RAB3IL1: variants seen among roughly 807,000 people sequenced by gnomAD.
RAB3IL1 encodes RAB3A interacting protein like 1.
In RAB3IL1, 37 loss-of-function variants were observed where a neutral mutation model predicts 49.2. The observed-to-expected ratio is 0.75, with a 90% CI of 0.58 to 0.99. The LOEUF (loss-of-function observed/expected upper bound fraction) is 0.99, where lower values mean the gene tolerates loss of function less well. Ranked by LOEUF, RAB3IL1 falls within the 50% of genes least tolerant of loss-of-function variation. The pLI is 0.00. For synonymous variants in RAB3IL1, 193 were observed against 213.9 expected, an observed-to-expected ratio of 0.90 and a Z score of 0.85; for missense variants, 484 against 513.0, an observed-to-expected ratio of 0.94 and a Z score of 0.55.
In RAB3IL1 at chr11:61,898,219, T is replaced by C; in HGVS notation, c.*59A>G. On this transcript the variant is annotated 3_prime_UTR_variant, in exon 10 of 10. Coordinates refer to ENST00000394836, the MANE Select transcript of RAB3IL1 (RefSeq NM_013401.4). This position sits in a 1 kb window ranked among gnomAD's most constrained non-coding sequence, Gnocchi z 5.1. The stretch of plus-strand genomic sequence containing the variant: ...GGCCCCCGTCTCCCTGTGTGTCGGC[T>C]TGTTCTGGGGTGGGTGTTTGCTCTG... 1 of 1,514,976 alleles carries C rather than the reference T, an allele frequency of 6.6e-7. No homozygotes were observed. 93.8% of individuals were successfully genotyped at this position (1,514,976 alleles called of 1,614,324 possible).
intron 5 of RAB3IL1, among the ~76,000 whole-genome samples, chr11:61,905,090 G>C (rs1231259972): frequency 6.6e-6 from 1 of 152,218 alleles, no homozygotes; most frequent in African/African-American, 2.4e-5. Context: ...AGAACTAAAA[G>C]TTTTGTTTCC....
Position 61,898,421 on chromosome 11 carries a change from C to T in RAB3IL1, c.1067-61G>A. On this transcript the variant is annotated intron_variant, in intron 9 of 9. Coordinates refer to ENST00000394836, the MANE Select transcript of RAB3IL1 (RefSeq NM_013401.4). This position sits in a 1 kb window ranked among gnomAD's most constrained non-coding sequence, Gnocchi z 5.1. ...GCTCAGGGTCACCTCGGGCAGATGGCCAGGTCCCCTCCTGTGGCTTTGGAC... is the reference window on the plus strand; with the variant it reads ...GCTCAGGGTCACCTCGGGCAGATGGTCAGGTCCCCTCCTGTGGCTTTGGAC... 1.4e-6 allele frequency: 2 copies of T among 1,432,708 alleles called. No homozygotes were observed. Among genetic ancestry groups the T allele is most frequent in the Non-Finnish European group, 2.0e-6 (2 of 1,020,620 alleles). The allele number at this position is 1,432,708 out of a possible 1,614,324, so 88.7% of individuals were successfully genotyped here. A position where few individuals can be genotyped will look rare whatever the true frequency, so the allele number is the denominator to read the frequency against.
chr11:61,930,461 C>A, the RAB3IL1 span, among the ~76,000 whole-genome samples: 1 of 152,160 alleles, frequency 6.6e-6, no homozygotes, highest in Non-Finnish European at 1.5e-5. Context: ...ACACCAAAAG[C>A]AAGGTGGTAT....
the RAB3IL1 span, among the ~76,000 whole-genome samples, chr11:61,940,959 G>C: frequency 7.9e-5 from 12 of 151,648 alleles, no homozygotes; most frequent in East Asian, 1.4e-3. Flanking sequence ...ACTGTGGCAC[G>C]TGCTTGTAAT....
At chr11:61,942,405 C>T in the RAB3IL1 span, among the ~76,000 whole-genome samples, 2 of 152,072 alleles carry the variant, frequency 1.3e-5, no homozygotes, top group South Asian at 2.1e-4. Flanking sequence ...ACTATTGTCC[C>T]ATGACCCTGC....
intron 1 of RAB3IL1, among the ~76,000 whole-genome samples, chr11:61,914,042 AC>A (rs370932179): frequency 4.5e-4 from 69 of 151,838 alleles, no homozygotes; most frequent in African/African-American, 1.5e-3. Context: ...GGGTTATACA[AC>A]CCCTTCCCAA....
At chr11:61,908,633 G>A (rs1383295938) in intron 1 of RAB3IL1, among the ~76,000 whole-genome samples, 1 of 152,210 alleles carries the variant, frequency 6.6e-6, no homozygotes, top group African/African-American at 2.4e-5. Flanking sequence ...ATGCATCAGG[G>A]TTGAGTCCCA....
In RAB3IL1 at chr11:61,898,731, G is replaced by A. The variant is rs1051715355; in HGVS notation, c.1067-371C>T. On this transcript the variant is annotated intron_variant, in intron 9 of 9. Coordinates refer to ENST00000394836, the MANE Select transcript of RAB3IL1 (RefSeq NM_013401.4). The surrounding 1 kb of genome is among the most constrained non-coding windows in gnomAD (Gnocchi z 5.1). ...TCACAAGGACCCTGCGCAGTGAGGC[G>A]GGGACCACAGCGGCCATCCAGGGAC... is the stretch of plus-strand genomic sequence containing the variant. The A allele has an allele frequency of 1.0e-5, 5 of 482,030 alleles. No individual in the cohort carries two copies. The highest frequency in any genetic ancestry group is 1.6e-5 in the Non-Finnish European group (4 of 244,866). The allele number at this position is 482,030 out of a possible 1,614,324, so 29.9% of individuals were successfully genotyped here.
chr11:61,933,818 G>T, the RAB3IL1 span, among the ~76,000 whole-genome samples: 12 of 152,118 alleles, frequency 7.9e-5, no homozygotes, highest in African/African-American at 2.7e-4. Context: ...AGTGGTGTGT[G>T]CCTGCAGTCC....
intron 1 of RAB3IL1, among the ~76,000 whole-genome samples, chr11:61,915,652 C>T (rs536646075): frequency 6.6e-6 from 1 of 152,248 alleles, no homozygotes; most frequent in East Asian, 1.9e-4. Context: ...TACCACAAAC[C>T]CACCTCAAGC....
chr11:61,944,272 C>CTTCCTTCCT, the RAB3IL1 span, among the ~76,000 whole-genome samples: 1 of 14,678 alleles, frequency 6.8e-5, no homozygotes, highest in Non-Finnish European at 2.1e-4. Flanking sequence ...CCTTCCTTCC[C>CTTCCTTCCT]TCCTTTGTTG....
chr11:61,913,061 G>C lies in RAB3IL1; in HGVS notation c.11+4296C>G, dbSNP rs142592201. ...GAAAGTGGGTGGCTGAGGCATCTGG[G>C]AAGTGGCACGTCCCGTAGGCAGCTG... On this transcript the variant is annotated intron_variant, in intron 1 of 9. Coordinates refer to ENST00000394836, the MANE Select transcript of RAB3IL1 (RefSeq NM_013401.4). Among the ~76,000 whole-genome samples the C allele has an allele frequency of 3.3e-3, 504 of 152,292 alleles. 1 individual carries two copies. Among genetic ancestry groups the C allele is most frequent in the African/African-American group, 0.012 (489 of 41,556 alleles).
chr11:61,943,890 G>A, the RAB3IL1 span, among the ~76,000 whole-genome samples: 1 of 152,104 alleles, frequency 6.6e-6, no homozygotes, highest in Non-Finnish European at 1.5e-5. Context: ...ATAAAAAAAA[G>A]ACTGGAAGGA....
At chr11:61,923,828 T>A (rs1327069640), upstream of RAB3IL1, among the ~76,000 whole-genome samples, 1 of 152,144 alleles carries the variant, frequency 6.6e-6, no homozygotes, top group Non-Finnish European at 1.5e-5. Context: ...GAGCTCAGAT[T>A]TCAAGCAGGA....
chr11:61,915,252 C>A (rs1420494583), intron 1 of RAB3IL1, among the ~76,000 whole-genome samples: 3 of 152,136 alleles, frequency 2.0e-5, no homozygotes, highest in Non-Finnish European at 4.4e-5. Context: ...CTGTGGGGGT[C>A]AGCCTGGCAG....
In RAB3IL1 at chr11:61,899,330, G is replaced by T. The variant is rs1392337149; in HGVS notation, c.1050C>A (p.Gly350=). 9 of 1,608,008 alleles carry T rather than the reference G, an allele frequency of 5.6e-6. No individual in the cohort carries two copies. The highest frequency in any genetic ancestry group is 7.6e-6 in the Non-Finnish European group (9 of 1,179,772). Residue 350 remains glycine, a synonymous_variant, in exon 9 of 10, where the codon GGC becomes GGA. Coordinates refer to ENST00000394836, the MANE Select transcript of RAB3IL1 (RefSeq NM_013401.4). ...FFTYIRYIQQ[G]LVRQDAEPMF... is the part of the protein sequence containing the mutation. ...GGCGCTCACCGTCCTGCCGCACCAGGCCTTGCTGGATGTAGCGGATGTAGG... is the reference window on the plus strand; with the variant it reads ...GGCGCTCACCGTCCTGCCGCACCAGTCCTTGCTGGATGTAGCGGATGTAGG...
At chr11:61,925,634 C>CAAA in the RAB3IL1 span, among the ~76,000 whole-genome samples, 6 of 146,912 alleles carry the variant, frequency 4.1e-5, no homozygotes, top group Non-Finnish European at 7.5e-5. Context: ...GACTGTGTCT[C>CAAA]AAAAAAAAAA....
chr11:61,911,422 C>T (rs1280819430), intron 1 of RAB3IL1, among the ~76,000 whole-genome samples: 1 of 152,188 alleles, frequency 6.6e-6, no homozygotes, highest in Non-Finnish European at 1.5e-5. Context: ...TCAGAAATTT[C>T]AAAGAAGGGA....
the RAB3IL1 span, among the ~76,000 whole-genome samples, chr11:61,927,835 T>G: frequency 1.2e-4 from 18 of 152,118 alleles, no homozygotes; most frequent in African/African-American, 4.3e-4. Flanking sequence ...GCCATGATCG[T>G]AAGTTTCCTG....
Sources: gnomAD v4.1 joint callset for allele counts (sites outside exome capture counted in the v4.1 genomes callset) on GRCh38, gnomAD v4.1.1 for gene constraint, Gnocchi (gnomAD v3.1) non-coding constraint, MANE v1.5 for transcripts, NCBI Gene and HGNC (gene_info 2026-07-23, HGNC 2026-07-21) for gene names.